DMD: variants seen among roughly 807,000 people sequenced by gnomAD.
DMD encodes mutant dystrophin.
DMD carries 63 observed loss-of-function variants against 330.1 expected under a neutral mutation model. That is an observed-to-expected ratio of 0.19 (90% confidence interval 0.16 to 0.24). The LOEUF (loss-of-function observed/expected upper bound fraction) is 0.24. Among genes scored for constraint, DMD ranks in the 10% least tolerant of loss-of-function variants. The pLI, the probability that DMD is intolerant of heterozygous loss-of-function variation, is 1.00. For missense variants in DMD, 3,344 were observed against 2,684.1 expected, an observed-to-expected ratio of 1.25 and a Z score of -5.43; for synonymous variants, 1,223 against 959.8, an observed-to-expected ratio of 1.27 and a Z score of -5.07.
chrX:33,174,888 A>T (rs193064653), intron 1 of DMD, among the ~76,000 whole-genome samples: 1 of 112,121 alleles, frequency 8.9e-6, no homozygotes, highest in Non-Finnish European at 1.9e-5. Context: ...AATCTTGTGG[A>T]CCCCAAGAGT....
intron 1 of DMD, among the ~76,000 whole-genome samples, chrX:33,050,597 G>A (rs965860488): frequency 9.0e-6 from 1 of 111,522 alleles, no homozygotes; most frequent in Admixed American, 9.6e-5. Flanking sequence ...AAGGGCAACA[G>A]CAGAGCCTTA....
intron 2 of DMD, among the ~76,000 whole-genome samples, chrX:32,951,989 T>C (rs1377832752): frequency 4.5e-5 from 5 of 111,643 alleles, no homozygotes; most frequent in Non-Finnish European, 9.4e-5. Context: ...CTTGAAGATG[T>C]GCTAGTATAA....
chrX:31,262,121 A>G (rs1463230359), intron 62 of DMD, among the ~76,000 whole-genome samples: 1 of 112,724 alleles, frequency 8.9e-6, no homozygotes, highest in Non-Finnish European at 1.9e-5. Flanking sequence ...ACTGGCGGTG[A>G]AATTTAAAGC....
At chrX:31,341,734 T>C (rs774237047) in intron 61 of DMD, among the ~76,000 whole-genome samples, 70 of 111,459 alleles carry the variant, frequency 6.3e-4, no homozygotes, top group African/African-American at 2.2e-3. Flanking sequence ...CTTTGTGACC[T>C]TGGTTATGTC....
At chrX:32,354,241 A>AAATAATCCAAGTGCTACAGATTGGT (rs1373828155) in intron 37 of DMD, among the ~76,000 whole-genome samples, 1 of 111,929 alleles carries the variant, frequency 8.9e-6, no homozygotes, top group East Asian at 2.8e-4. Flanking sequence ...AATTGAAAAT[A>AAATAATCCAAGTGCTACAGATTGGT]AATAATCCAA....
intron 44 of DMD, among the ~76,000 whole-genome samples, chrX:32,018,021 T>C (rs760483833): frequency 9.0e-6 from 1 of 111,196 alleles, no homozygotes; most frequent in Non-Finnish European, 1.9e-5. Flanking sequence ...AAGTGCTATG[T>C]ACTGAGAATG....
At chrX:32,142,342 C>G (rs1039310256) in intron 44 of DMD, among the ~76,000 whole-genome samples, 4 of 112,121 alleles carry the variant, frequency 3.6e-5, no homozygotes, top group Non-Finnish European at 7.5e-5. Context: ...CCTCACCAAC[C>G]TTTACGGCCC....
intron 7 of DMD, among the ~76,000 whole-genome samples, chrX:32,777,033 G>A (rs1211510969): frequency 9.3e-6 from 1 of 107,332 alleles, no homozygotes; most frequent in African/African-American, 3.5e-5. Context: ...TATAGGGCGT[G>A]AGGCCTATAT....
At chrX:32,480,494 T>C (rs1402499722) in intron 21 of DMD, among the ~76,000 whole-genome samples, 1 of 111,083 alleles carries the variant, frequency 9.0e-6, no homozygotes, top group Non-Finnish European at 1.9e-5. Flanking sequence ...TGTGTCTACG[T>C]GTTTATATAC....
intron 52 of DMD, among the ~76,000 whole-genome samples, chrX:31,710,086 G>A (rs759416835): frequency 1.3e-4 from 14 of 111,842 alleles, no homozygotes; most frequent in African/African-American, 3.9e-4. Flanking sequence ...TATTATGTCA[G>A]AATTTCTTAT....
chrX:32,684,992 A>G (rs898758265), intron 9 of DMD, among the ~76,000 whole-genome samples: 1 of 111,876 alleles, frequency 8.9e-6, no homozygotes, highest in African/African-American at 3.2e-5. Context: ...TCCTTTATTG[A>G]CTCCATAAAT....
intron 7 of DMD, among the ~76,000 whole-genome samples, chrX:32,745,952 A>G (rs2069949517): frequency 8.9e-6 from 1 of 112,462 alleles, no homozygotes; most frequent in East Asian, 2.8e-4. Context: ...AAAATAAAGA[A>G]TAAAGCCAGT....
intron 7 of DMD, among the ~76,000 whole-genome samples, chrX:32,733,811 G>A (rs1161751212): frequency 9.7e-6 from 1 of 103,134 alleles, no homozygotes; most frequent in Non-Finnish European, 2.0e-5. Context: ...AGAGAAAGCA[G>A]GAAAGATCCA....
intron 44 of DMD, among the ~76,000 whole-genome samples, chrX:32,137,052 C>T (rs998874928): frequency 5.4e-5 from 6 of 112,028 alleles, no homozygotes; most frequent in East Asian, 5.6e-4. Context: ...TTATGTACAG[C>T]GTGCATTATC....
chrX:33,078,763 T>C (rs1169437435), intron 1 of DMD, among the ~76,000 whole-genome samples: 17 of 112,128 alleles, frequency 1.5e-4, no homozygotes, highest in Non-Finnish European at 5.6e-5. Flanking sequence ...TACAATTGAC[T>C]AGGAATTTTG....
At chrX:32,877,439 TTTTTC>T (rs1195631272) in intron 2 of DMD, among the ~76,000 whole-genome samples, 1 of 112,603 alleles carries the variant, frequency 8.9e-6, no homozygotes. Flanking sequence ...TAGAAAATAT[TTTTTC>T]TTTTAACTCT....
rs766599250 is a variant in DMD, at chrX:31,134,165, C to T, written c.10951G>A (p.Asp3651Asn). The T allele has an allele frequency of 6.6e-6, 8 of 1,208,615 alleles. No individual in the cohort carries two copies. Among genetic ancestry groups the T allele is most frequent in the African/African-American group, 5.3e-5 (3 of 56,892 alleles). Residue 3651 changes from aspartate (D) to asparagine (N), a missense_variant, in exon 77 of 79, where the codon GAC becomes AAC. Coordinates refer to ENST00000357033, the MANE Select transcript of DMD (RefSeq NM_004006.3). ...GEEDLLSPPQ[D>N]TSTGLEEVME... ...ACCTCCTCTAACCCTGTGCTTGTGTCCTGGGGAGGACTGAGAAGATCTTCC... is the reference window on the plus strand; with the variant it reads ...ACCTCCTCTAACCCTGTGCTTGTGTTCTGGGGAGGACTGAGAAGATCTTCC...
chrX:32,602,184 C>G lies in DMD; in HGVS notation c.1483-6308G>C, dbSNP rs747325522. On this transcript the variant is annotated intron_variant, in intron 12 of 78. Transcript: ENST00000357033. ...ATTAATAAAAGTAGGTTCAAACTAC[C>G]TCATCTGATGGTTATCACAGAAAAA... Among the ~76,000 whole-genome samples the G allele has an allele frequency of 9.8e-5, 11 of 111,698 alleles. No homozygotes were observed. The South Asian group carries it at 4.1e-3, about 41-fold the overall frequency.
intron 47 of DMD, among the ~76,000 whole-genome samples, chrX:31,876,696 A>G (rs1461057574): frequency 9.1e-6 from 1 of 109,780 alleles, no homozygotes; most frequent in Non-Finnish European, 1.9e-5. Context: ...TACAAAAAAA[A>G]AACAAAAAAA....
Sources: allele counts gnomAD v4.1 joint callset (sites outside exome capture counted in the v4.1 genomes callset), GRCh38; gene constraint gnomAD v4.1.1; transcripts MANE v1.5; gene names NCBI Gene and HGNC (gene_info 2026-07-23, HGNC 2026-07-21).